Variants in ENTREP2 observed in about 807,000 individuals in gnomAD.
The protein encoded by ENTREP2 is endosomal transmembrane epsin interactor 2.
the ENTREP2 span, among the ~76,000 whole-genome samples, chr15:29,615,473 C>A: frequency 6.6e-6 from 1 of 152,056 alleles, no homozygotes; most frequent in Non-Finnish European, 1.5e-5. Context: ...ATTTTGGATC[C>A]CTTCCTTTTC....
At chr15:29,566,453 C>T in the ENTREP2 span, among the ~76,000 whole-genome samples, 15 of 151,302 alleles carry the variant, frequency 9.9e-5, no homozygotes, top group African/African-American at 2.9e-4. Context: ...CGTGACCCAC[C>T]GCACCCAACC....
the ENTREP2 span, among the ~76,000 whole-genome samples, chr15:29,278,499 G>A: frequency 6.6e-6 from 1 of 152,234 alleles, no homozygotes; most frequent in African/African-American, 2.4e-5. Flanking sequence ...AAGGTTGGGA[G>A]AGCCAGCAGT....
the ENTREP2 span, chr15:29,233,847 G>A: frequency 3.8e-6 from 6 of 1,582,278 alleles, no homozygotes; most frequent in Non-Finnish European, 3.5e-6. Context: ...GTAGAATGAG[G>A]GCTTTCTGTG....
chr15:29,226,843 C>T, the ENTREP2 span, among the ~76,000 whole-genome samples: 1 of 152,250 alleles, frequency 6.6e-6, no homozygotes, highest in Non-Finnish European at 1.5e-5. Flanking sequence ...GTGCCACTGA[C>T]TGTCTTAACC....
the ENTREP2 span, among the ~76,000 whole-genome samples, chr15:29,232,735 C>T: frequency 6.6e-6 from 1 of 152,132 alleles, no homozygotes; most frequent in Admixed American, 6.6e-5. Flanking sequence ...TCTCAAACTT[C>T]TGGGCTCAAG....
the ENTREP2 span, among the ~76,000 whole-genome samples, chr15:29,378,022 G>T: frequency 1.3e-5 from 2 of 151,596 alleles, no homozygotes; most frequent in Admixed American, 6.6e-5. Context: ...TTGAAGGAAT[G>T]TAAGTCATGT....
the ENTREP2 span, among the ~76,000 whole-genome samples, chr15:29,642,962 CA>C: frequency 1.3e-5 from 2 of 152,048 alleles, no homozygotes; most frequent in African/African-American, 2.4e-5. Context: ...TGTCTACATG[CA>C]AAAGAATTAA....
At chr15:29,391,137 A>G in the ENTREP2 span, among the ~76,000 whole-genome samples, 1 of 151,986 alleles carries the variant, frequency 6.6e-6, no homozygotes, top group Non-Finnish European at 1.5e-5. Flanking sequence ...CTGGGGCCAC[A>G]GAAGGCTCAC....
At chr15:29,243,608 T>C in the ENTREP2 span, among the ~76,000 whole-genome samples, 2 of 152,108 alleles carry the variant, frequency 1.3e-5, no homozygotes, top group African/African-American at 4.8e-5. Flanking sequence ...TTCCCTCAAA[T>C]TCCCCATTTC....
At chr15:29,651,158 C>T in the ENTREP2 span, among the ~76,000 whole-genome samples, 9 of 152,210 alleles carry the variant, frequency 5.9e-5, no homozygotes, top group African/African-American at 2.4e-5. Flanking sequence ...AACTAGAAGA[C>T]CCATGCACTG....
the ENTREP2 span, chr15:29,374,265 T>A: frequency 6.6e-6 from 1 of 152,174 alleles, no homozygotes; most frequent in Admixed American, 6.5e-5. Flanking sequence ...TATTCTTTGT[T>A]TCCTTTTTCC....
At chr15:29,167,265 A>T in the ENTREP2 span, among the ~76,000 whole-genome samples, 2 of 152,226 alleles carry the variant, frequency 1.3e-5, no homozygotes, top group African/African-American at 4.8e-5. Flanking sequence ...TTAGGCAAGG[A>T]TTTCATGACC....
chr15:29,412,074 C>A, the ENTREP2 span, among the ~76,000 whole-genome samples: 3 of 151,946 alleles, frequency 2.0e-5, no homozygotes, highest in Non-Finnish European at 4.4e-5. Context: ...TATAATTTTA[C>A]AATTAGGTTG....
chr15:29,225,362 T>C, the ENTREP2 span, among the ~76,000 whole-genome samples: 2 of 152,250 alleles, frequency 1.3e-5, no homozygotes, highest in Non-Finnish European at 2.9e-5. Context: ...ACACACTGAC[T>C]TTCGGGGATC....
the ENTREP2 span, among the ~76,000 whole-genome samples, chr15:29,237,635 T>C: frequency 1.3e-5 from 2 of 152,282 alleles, no homozygotes; most frequent in East Asian, 3.9e-4. Context: ...CCCACTAGGA[T>C]GGCTTAAAAC....
chr15:29,135,839 G>A, the ENTREP2 span, among the ~76,000 whole-genome samples: 3 of 152,304 alleles, frequency 2.0e-5, no homozygotes, highest in African/African-American at 4.8e-5. This position sits in a 1 kb window ranked among gnomAD's most constrained non-coding sequence, Gnocchi z 7.4. Flanking sequence ...GGGATCCAGG[G>A]CTGCTTTCTC....
the ENTREP2 span, among the ~76,000 whole-genome samples, chr15:29,220,555 T>C: frequency 6.6e-6 from 1 of 152,188 alleles, no homozygotes; most frequent in Non-Finnish European, 1.5e-5. Context: ...GCATTCTTTG[T>C]TTCTAATTGT....
chr15:29,311,810 C>T, the ENTREP2 span, among the ~76,000 whole-genome samples: 4 of 152,176 alleles, frequency 2.6e-5, no homozygotes, highest in African/African-American at 9.7e-5. Flanking sequence ...AGACCTTGCC[C>T]AGCTTCCAGA....
the ENTREP2 span, among the ~76,000 whole-genome samples, chr15:29,156,682 T>C: frequency 1.7e-4 from 26 of 151,952 alleles, 1 homozygote; most frequent in Non-Finnish European, 5.9e-5. Context: ...GACTCTGAAG[T>C]TCAGAACAAA....
Sources: allele counts gnomAD v4.1 joint callset (sites outside exome capture counted in the v4.1 genomes callset), GRCh38; gene constraint gnomAD v4.1.1; non-coding constraint Gnocchi (gnomAD v3.1); transcripts MANE v1.5; gene names NCBI Gene and HGNC (gene_info 2026-07-23, HGNC 2026-07-21).